The following HLA-DPB1 variants were observed in gnomAD, a reference collection of about 807,000 sequenced individuals.
HLA-DPB1 encodes major histocompatibility complex, class II, DP beta 1.
HLA-DPB1 carries 30 observed loss-of-function variants against 29.4 expected under a neutral mutation model. That is an observed-to-expected ratio of 1.02 (90% confidence interval 0.76 to 1.38). The LOEUF is 1.38. Ranked by LOEUF, HLA-DPB1 falls within the 40% of genes most tolerant of loss-of-function variation. The pLI is 0.00. For missense variants in HLA-DPB1, 261 were observed against 327.5 expected, an observed-to-expected ratio of 0.80 and a Z score of 1.57; for synonymous variants, 114 against 134.0, an observed-to-expected ratio of 0.85 and a Z score of 1.03.
chr6:33,076,381 G>GCTTT (rs1762540311), intron 1 of HLA-DPB1, among the ~76,000 whole-genome samples: 4 of 99,034 alleles, frequency 4.0e-5, no homozygotes, highest in Non-Finnish European at 7.7e-5. Context: ...AGTGGTCAGT[G>GCTTT]TCTTTGGGGA....
At chr6:33,079,535 G>T in intron 1 of HLA-DPB1, 1 of 378,308 alleles carries the variant, frequency 2.6e-6, no homozygotes, top group Non-Finnish European at 5.1e-6. Context: ...AGACTGAAAT[G>T]TCAAAATTAA....
At position 33,076,440 on chromosome 6, in the gene HLA-DPB1, G is replaced by C. The variant is rs11751700; in HGVS notation, c.100+299G>C. ...TAACCTTGGACAGACAAGGTTTGCA[G>C]AGAGAGAAGTTGGCAAGTGCAGGCT... On this transcript the variant is annotated intron_variant, in intron 1 of 5. Transcript: ENST00000418931. Among the ~76,000 whole-genome samples, 819 of 152,308 alleles carry C rather than the reference G, an allele frequency of 5.4e-3. 2 individuals are homozygous for C. Among genetic ancestry groups the C allele is most frequent in the Middle Eastern group, 6.8e-3 (2 of 294 alleles).
At position 33,080,692 on chromosome 6, in the gene HLA-DPB1, C is replaced by T. The variant is rs1258332221; in HGVS notation, c.121C>T (p.Arg41Trp). Residue 41 changes from arginine to tryptophan, a missense_variant, in exon 2 of 6, where the codon CGG (arginine) becomes TGG (tryptophan). Transcript: ENST00000418931. This position sits in a 1 kb window ranked among gnomAD's most constrained non-coding sequence, Gnocchi z 4.3. ...ATPENYLFQGRQECYAFNGTQ... is the reference protein window; with the variant it reads ...ATPENYLFQGWQECYAFNGTQ... ...CGCAGAGAATTACCTTTTCCAGGGA[C>T]GGCAGGAATGCTACGCGTTTAATGG... The T allele has an allele frequency of 1.2e-6, 2 of 1,612,830 alleles. No individual in the cohort carries two copies. The highest frequency in any genetic ancestry group is 1.7e-6 in the Non-Finnish European group (2 of 1,179,584).
chr6:33,086,014 C>T lies in HLA-DPB1; in HGVS notation c.757+125C>T, dbSNP rs565888580. ...CTAGAGGCCACTGATATCAGATAAT[C>T]GGGGAACAAACATGACCTATAGCGA... On this transcript the variant is annotated intron_variant, in intron 4 of 5. Coordinates refer to ENST00000418931, the MANE Select transcript of HLA-DPB1 (RefSeq NM_002121.6). 346 of 766,234 alleles carry T rather than the reference C, an allele frequency of 4.5e-4. 5 individuals carry two copies. The South Asian group carries it at 4.8e-3, about 11-fold the overall frequency. The allele number at this position is 766,234 out of a possible 1,614,324, so 47.5% of individuals were successfully genotyped here. A position where few individuals can be genotyped will look rare whatever the true frequency, so the allele number is the denominator to read the frequency against.
chr6:33,080,333 T>G lies in HLA-DPB1; in HGVS notation c.101-339T>G. ...ACGTCCCCAGCTCCTCCCGCCCCTG[T>G]TTTTTCTCCCAGTGACCCCACGTGA... is the stretch of plus-strand genomic sequence containing the variant. On this transcript the variant is annotated intron_variant, in intron 1 of 5. Transcript: ENST00000418931. This position sits in a 1 kb window ranked among gnomAD's most constrained non-coding sequence, Gnocchi z 4.3. 3 of 497,346 alleles carry G rather than the reference T, an allele frequency of 6.0e-6. No individual in the cohort carries two copies. Among genetic ancestry groups the G allele is most frequent in the Non-Finnish European group, 1.2e-5 (3 of 252,658 alleles). The allele number at this position is 497,346 out of a possible 1,614,324, so 30.8% of individuals were successfully genotyped here. A position where few individuals can be genotyped will look rare whatever the true frequency, so the allele number is the denominator to read the frequency against.
At chr6:33,077,270 C>T (rs529380275) in intron 1 of HLA-DPB1, among the ~76,000 whole-genome samples, 26 of 152,160 alleles carry the variant, frequency 1.7e-4, no homozygotes, top group African/African-American at 5.1e-4. Context: ...TATGGCTGCA[C>T]AGTATTCCAT....
At chr6:33,078,822 T>C (rs1562144177) in intron 1 of HLA-DPB1, among the ~76,000 whole-genome samples, 2 of 152,088 alleles carry the variant, frequency 1.3e-5, no homozygotes, top group Non-Finnish European at 2.9e-5. Context: ...TTACTGGTGA[T>C]TGAGGAGGAG....
In HLA-DPB1 at chr6:33,080,828, A is replaced by C. The variant is rs41545212; in HGVS notation, c.257A>C (p.Glu86Ala). 1 of 1,613,426 alleles carries C rather than the reference A, an allele frequency of 6.2e-7. No individual in the cohort carries two copies. The highest frequency in any genetic ancestry group is 8.5e-7 in the Non-Finnish European group (1 of 1,179,756). ...ACGGAGCTGGGGCGGCCTGCTGCGG[A>C]GTACTGGAACAGCCAGAAGGACATC... ...AVTELGRPAAEYWNSQKDILE... is the reference protein window; with the variant it reads ...AVTELGRPAAAYWNSQKDILE... Residue 86 changes from glutamate (E) to alanine (A), a missense_variant, in exon 2 of 6, where the codon GAG (glutamate) becomes GCG (alanine). Transcript: ENST00000418931. The surrounding 1 kb of genome is among the most constrained non-coding windows in gnomAD (Gnocchi z 4.3).
In HLA-DPB1 at chr6:33,076,098, G is replaced by C; in HGVS notation, c.57G>C (p.Leu19=). The change falls in exon 1 of 6, where the codon CTG becomes CTC. Residue 19 remains leucine, a synonymous_variant. Coordinates refer to ENST00000418931, the MANE Select transcript of HLA-DPB1 (RefSeq NM_002121.6). ...GGACAGTGGCTCTGACGGCGTTACT[G>C]ATGGTGCTGCTCACATCTGTGGTCC... ...APRTVALTAL[L]MVLLTSVVQG... 1 of 1,612,278 alleles carries C rather than the reference G, an allele frequency of 6.2e-7. No individual in the cohort carries two copies. The highest frequency in any genetic ancestry group is 1.1e-5 in the South Asian group (1 of 90,770).
At chr6:33,079,897 A>G (rs1461160769) in intron 1 of HLA-DPB1, 1 of 264,268 alleles carries the variant, frequency 3.8e-6, no homozygotes, top group Non-Finnish European at 7.4e-6. Flanking sequence ...AAATAAAACC[A>G]TAAAAACTGC....
Position 33,080,778 on chromosome 6 carries a change from C to G in HLA-DPB1, c.207C>G (p.Ser69Arg), listed in dbSNP as rs753055175. The change falls in exon 2 of 6, where the codon AGC becomes AGG. Residue 69 changes from serine (S) to arginine (R), a missense_variant. By Grantham distance (110) the Ser-to-Arg change is moderately radical. Transcript: ENST00000418931. This position sits in a 1 kb window ranked among gnomAD's most constrained non-coding sequence, Gnocchi z 4.3. ...GGGAGGAGTTCGCGCGCTTCGACAGCGACGTGGGGGAGTTCCGGGCGGTGA... is the reference window on the plus strand; with the variant it reads ...GGGAGGAGTTCGCGCGCTTCGACAGGGACGTGGGGGAGTTCCGGGCGGTGA... Reference protein sequence around the residue: ...YNREEFARFDSDVGEFRAVTE... With the variant: ...YNREEFARFDRDVGEFRAVTE... 5 of 1,613,550 alleles carry G rather than the reference C, an allele frequency of 3.1e-6. No individual in the cohort carries two copies. Among genetic ancestry groups the G allele is most frequent in the Non-Finnish European group, 3.4e-6 (4 of 1,179,836 alleles).
chr6:33,079,750 C>T (rs556415062), intron 1 of HLA-DPB1: 5 of 499,038 alleles, frequency 1.0e-5, no homozygotes, highest in South Asian at 7.3e-5. Flanking sequence ...GTGCTGAGAT[C>T]GCTCACAAAA....
At chr6:33,078,517 T>C (rs1762671818) in intron 1 of HLA-DPB1, among the ~76,000 whole-genome samples, 3 of 152,158 alleles carry the variant, frequency 2.0e-5, no homozygotes, top group African/African-American at 7.2e-5. Context: ...GTTTTTAATA[T>C]ATCCTATTCT....
Position 33,080,614 on chromosome 6 carries a change from G to A in HLA-DPB1, c.101-58G>A. On this transcript the variant is annotated intron_variant, in intron 1 of 5. Coordinates refer to ENST00000418931, the MANE Select transcript of HLA-DPB1 (RefSeq NM_002121.6). This position sits in a 1 kb window ranked among gnomAD's most constrained non-coding sequence, Gnocchi z 4.3. ...GAATCGTTAATATTGAGAGAGAGAG[G>A]GAGAAAGAGGATTAGATGAGAGTGG... 1 of 1,604,448 alleles carries A rather than the reference G, an allele frequency of 6.2e-7. No individual in the cohort carries two copies. The highest frequency in any genetic ancestry group is 8.5e-7 in the Non-Finnish European group (1 of 1,172,510).
rs1356763737 is a variant in HLA-DPB1 at position 33,088,294 on chromosome 6, CAG to C, written c.*1763_*1764del. 4.6e-5 allele frequency among the ~76,000 whole-genome samples: 7 copies of C among 152,176 alleles called. No individual in the cohort carries two copies. The East Asian group carries it at 1.3e-3, about 29-fold the overall frequency. Reference sequence around the variant, plus strand: ...TTACAAATTACAAACCATATCCAGTCAGAGTCATTCTCTTTCCTGCTTGTCTC... The same window carrying C: ...TTACAAATTACAAACCATATCCAGTCAGTCATTCTCTTTCCTGCTTGTCTC... On this transcript the variant is annotated 3_prime_UTR_variant, in exon 6 of 6. Coordinates refer to ENST00000418931, the MANE Select transcript of HLA-DPB1 (RefSeq NM_002121.6).
intron 2 of HLA-DPB1, among the ~76,000 whole-genome samples, chr6:33,082,566 C>A (rs1762920137): frequency 6.6e-6 from 1 of 152,112 alleles, no homozygotes; most frequent in African/African-American, 2.4e-5. Flanking sequence ...GGAGATGTGT[C>A]TTCAGAAGAC....
intron 1 of HLA-DPB1, among the ~76,000 whole-genome samples, chr6:33,078,195 A>G (rs1410507159): frequency 6.6e-6 from 1 of 152,134 alleles, no homozygotes; most frequent in Non-Finnish European, 1.5e-5. Flanking sequence ...GGACGGGCAA[A>G]GGCTGGGTTG....
intron 4 of HLA-DPB1, 29 bp downstream of exon 4, chr6:33,085,918 T>C (rs9500931): frequency 0.043 from 60,915 of 1,427,622 alleles, 1,713 homozygotes; most frequent in African/African-American, 0.095. Flanking sequence ...TGAGCGGGAC[T>C]TACCTTCCCC....
intron 1 of HLA-DPB1, chr6:33,079,750 C>G (rs556415062): frequency 1.0e-5 from 5 of 498,918 alleles, no homozygotes; most frequent in African/African-American, 5.9e-5. Flanking sequence ...GTGCTGAGAT[C>G]GCTCACAAAA....
Sources: gnomAD v4.1 joint callset for allele counts (sites outside exome capture counted in the v4.1 genomes callset) on GRCh38, gnomAD v4.1.1 for gene constraint, Gnocchi (gnomAD v3.1) non-coding constraint, MANE v1.5 for transcripts, NCBI Gene and HGNC (gene_info 2026-07-23, HGNC 2026-07-21) for gene names.